The following TMC6 variants were observed in gnomAD, a reference collection of about 807,000 sequenced individuals.
TMC6 encodes the protein transmembrane channel like 6.
Under a neutral mutation model 95.4 loss-of-function variants are expected in TMC6, and 71 were observed. The observed-to-expected ratio is 0.74, with a 90% CI of 0.61 to 0.91. TMC6 has a LOEUF of 0.91. Among genes scored for constraint, TMC6 ranks in the 40% least tolerant of loss-of-function variants. The probability of loss-of-function intolerance (pLI) is 0.00; values close to 1 mark genes in which losing one functional copy is unlikely to be tolerated. For missense variants in TMC6, 1,074 were observed against 1,079.1 expected, an observed-to-expected ratio of 1.00 and a Z score of 0.07; for synonymous variants, 514 against 483.1, an observed-to-expected ratio of 1.06 and a Z score of -0.84.
rs143792591 is a variant in TMC6 at position 78,108,725 on chromosome 17, C to T, written c.*4423G>A. 1.4e-4 allele frequency: 21 copies of T among 154,088 alleles called. No individual in the cohort carries two copies. The highest frequency in any genetic ancestry group is 4.8e-4 in the African/African-American group (20 of 41,582). The allele number at this position is 154,088 out of a possible 1,614,324, so 9.5% of individuals were successfully genotyped here. A position where few individuals can be genotyped will look rare whatever the true frequency, so the allele number is the denominator to read the frequency against. On this transcript the variant is annotated 3_prime_UTR_variant, in exon 20 of 20. Coordinates refer to ENST00000590602, the MANE Select transcript of TMC6 (RefSeq NM_001127198.5). ...GGGTGTCCAGGGCACCATTTCCACC[C>T]ATGGGTGAAAAAGAGGCTTGAGGAA...
At chr17:78,120,005 G>A in intron 13 of TMC6, 1 of 391,612 alleles carries the variant, frequency 2.6e-6, no homozygotes, top group Non-Finnish European at 5.0e-6. Context: ...TATTCTCGAA[G>A]AAAACACCAA....
upstream of TMC6, among the ~76,000 whole-genome samples, chr17:78,129,849 C>G (rs1345365079): frequency 1.3e-5 from 2 of 152,122 alleles, no homozygotes; most frequent in Non-Finnish European, 2.9e-5. This position sits in a 1 kb window ranked among gnomAD's most constrained non-coding sequence, Gnocchi z 4.3. Context: ...CCAGATTGAA[C>G]CCTGGTGGAG....
At position 78,126,664 on chromosome 17, in the gene TMC6, G is replaced by GC. The variant is rs763325937; in HGVS notation, c.57-17dup. ...GGGGCCCTGGCTGCAGAGGGGGTTG[G>GC]CGGGGGGGTCAGGCTCCAGCCACCT... On this transcript the variant is annotated splice_polypyrimidine_tract_variant and intron_variant, in intron 2 of 19. Transcript: ENST00000590602. 1.2e-5 allele frequency: 19 copies of GC among 1,612,654 alleles called. No individual in the cohort carries two copies. Among genetic ancestry groups the GC allele is most frequent in the Non-Finnish European group, 1.6e-5 (19 of 1,179,842 alleles).
At position 78,109,127 on chromosome 17, in the gene TMC6, TTGC is replaced by T. The variant is rs1406307900; in HGVS notation, c.*4018_*4020del. 14 of 268,260 alleles carry T rather than the reference TTGC, an allele frequency of 5.2e-5. No homozygotes were observed. The highest frequency in any genetic ancestry group is 8.9e-5 in the Non-Finnish European group (12 of 135,080). 16.6% of individuals were successfully genotyped at this position (268,260 alleles called of 1,614,324 possible). A position where few individuals can be genotyped will look rare whatever the true frequency, so the allele number is the denominator to read the frequency against. On this transcript the variant is annotated 3_prime_UTR_variant, in exon 20 of 20. Coordinates refer to ENST00000590602, the MANE Select transcript of TMC6 (RefSeq NM_001127198.5). ...TGCCCAGCCTTTGTTGTTGTTGTTG[TTGC>T]TGCTATTTTGGCAACATCACGGCAG...
chr17:78,124,051 G>A lies in TMC6; in HGVS notation c.1020C>T (p.Pro340=). 6.2e-7 allele frequency: 1 copy of A among 1,613,650 alleles called. No individual in the cohort carries two copies. Among genetic ancestry groups the A allele is most frequent in the Non-Finnish European group, 8.5e-7 (1 of 1,179,968 alleles). ...CGCCCACAGTGGAGAGGTAGGCCAG[G>A]GGCATGTTGTAGGGCAGGCCACCCA... ...PRVGGLPYNM[P]LAYLSTVGVS... Residue 340 remains proline, a synonymous_variant, in exon 9 of 20, where the codon CCC becomes CCT. Coordinates refer to ENST00000590602, the MANE Select transcript of TMC6 (RefSeq NM_001127198.5).
Position 78,120,692 on chromosome 17 carries a change from A to G in TMC6, c.1676T>C (p.Leu559Pro), listed in dbSNP as rs753566703. Residue 559 changes from leucine (L) to proline (P), a missense_variant, in exon 13 of 20, where the codon CTC becomes CCC. Coordinates refer to ENST00000590602, the MANE Select transcript of TMC6 (RefSeq NM_001127198.5). ...LYRFLVMDFV[L>P]MLLDTLFGEL... ...CCCAAAAAGCGTGTCCAGCAACATG[A>G]GGACGAAGTCCATCACCAGGAACCG... 1 of 1,614,024 alleles carries G rather than the reference A, an allele frequency of 6.2e-7. No homozygotes were observed. Among genetic ancestry groups the G allele is most frequent in the Non-Finnish European group, 8.5e-7 (1 of 1,180,032 alleles).
upstream of TMC6, among the ~76,000 whole-genome samples, chr17:78,129,301 G>C (rs1430102315): frequency 6.6e-6 from 1 of 152,168 alleles, no homozygotes; most frequent in East Asian, 1.9e-4. The surrounding 1 kb of genome is among the most constrained non-coding windows in gnomAD (Gnocchi z 4.3). Flanking sequence ...CTGACACTTA[G>C]GTGACTGTCC....
chr17:78,120,075 A>G, intron 13 of TMC6: 1 of 357,866 alleles, frequency 2.8e-6, no homozygotes, highest in Non-Finnish European at 5.4e-6. Flanking sequence ...CATTTTTTAA[A>G]TGTTCCTCCG....
chr17:78,113,583 G>C lies in TMC6; in HGVS notation c.2319C>G (p.Ser773=). 6.2e-7 allele frequency: 1 copy of C among 1,613,958 alleles called. No individual in the cohort carries two copies. The highest frequency in any genetic ancestry group is 8.5e-7 in the Non-Finnish European group (1 of 1,180,020). ...DKIFLINKLH[S]IYERKEREER... Reference sequence around the variant, plus strand: ...CCTCCCTCTCCTTCCTCTCGTAGATGGAGTGAAGCTTGTTGATTAAGAAGA... The same window carrying C: ...CCTCCCTCTCCTTCCTCTCGTAGATCGAGTGAAGCTTGTTGATTAAGAAGA... The change falls in exon 19 of 20, where the codon TCC becomes TCG. Residue 773 remains serine (S), a synonymous_variant. Coordinates refer to ENST00000590602, the MANE Select transcript of TMC6 (RefSeq NM_001127198.5).
At chr17:78,113,847 G>T in intron 18 of TMC6, 1 of 570,676 alleles carries the variant, frequency 1.8e-6, no homozygotes, top group Non-Finnish European at 3.1e-6. Flanking sequence ...AGTGGCCAAA[G>T]TGAAAAGGGA....
intron 1 of TMC6, among the ~76,000 whole-genome samples, chr17:78,127,318 T>C (rs1316807769): frequency 6.6e-6 from 1 of 152,170 alleles, no homozygotes; most frequent in Non-Finnish European, 1.5e-5. Context: ...GCGTCTGCCC[T>C]GTGACCTCAA....
rs148585370 is a variant in TMC6, at chr17:78,121,605, G to A, written c.1334C>T (p.Ala445Val). The A allele has an allele frequency of 4.3e-5, 69 of 1,611,242 alleles. No individual in the cohort carries two copies. The African/African-American group carries it at 5.7e-4, about 13-fold the overall frequency. ...GLVWLLCLGTALGCAVAVHVF... is the reference protein window; with the variant it reads ...GLVWLLCLGTVLGCAVAVHVF... ...GTGGACGGCCACGGCGCAGCCCAGC[G>A]CGGTCCCCAGACACAGCAGCCACAC... Residue 445 changes from alanine (A) to valine (V), a missense_variant, in exon 11 of 20, where the codon GCG (alanine) becomes GTG (valine). Physicochemically the swap from Ala to Val is moderately conservative, Grantham distance 64 (BLOSUM62 0). Coordinates refer to ENST00000590602, the MANE Select transcript of TMC6 (RefSeq NM_001127198.5). This position sits in a 1 kb window ranked among gnomAD's most constrained non-coding sequence, Gnocchi z 5.6.
Position 78,124,970 on chromosome 17 carries a change from G to T in TMC6, c.552C>A (p.Thr184=), listed in dbSNP as rs773352878. The T allele has an allele frequency of 1.9e-6, 3 of 1,592,872 alleles. No homozygotes were observed. Among genetic ancestry groups the T allele is most frequent in the Non-Finnish European group, 2.6e-6 (3 of 1,172,414 alleles). The change falls in exon 7 of 20, where the codon ACC becomes ACA. Residue 184 remains threonine (T), a synonymous_variant. Coordinates refer to ENST00000590602, the MANE Select transcript of TMC6 (RefSeq NM_001127198.5). ...EKRSLREKSR[T]PRGKWRGQPG... ...GCTGGCCCCTCCACTTCCCCCTCGGGGTCCTGCTCTTCTCTCTGGGGACAG... is the reference window on the plus strand; with the variant it reads ...GCTGGCCCCTCCACTTCCCCCTCGGTGTCCTGCTCTTCTCTCTGGGGACAG...
upstream of TMC6, chr17:78,131,179 G>A (rs766198104): frequency 5.8e-4 from 186 of 321,534 alleles, no homozygotes; most frequent in Non-Finnish European, 3.5e-4. Flanking sequence ...GTGACGGTGG[G>A]CCCAGGCACA....
chr17:78,121,694 C>T lies in TMC6; in HGVS notation c.1245G>A (p.Trp415Ter). The change falls in exon 11 of 20, where the codon TGG becomes TGA. Residue 415 changes from tryptophan to a stop codon, truncating the protein, a stop_gained. Transcript: ENST00000590602. LOFTEE classifies it high-confidence loss of function. The surrounding 1 kb of genome is among the most constrained non-coding windows in gnomAD (Gnocchi z 5.6). ...CGCTCCTGGGGCTGTGCCGCAGCTG[C>T]CACTCGGCCAGCAGCTCCTGCAGGC... ...RTRLKELLAE[W>*]QLRHSPRSVC... is the part of the protein sequence containing the mutation. The T allele has an allele frequency of 6.3e-7, 1 of 1,588,308 alleles. No homozygotes were observed. Among genetic ancestry groups the T allele is most frequent in the Non-Finnish European group, 8.5e-7 (1 of 1,169,682 alleles).
In TMC6 at chr17:78,121,519, G is replaced by A. The variant is rs772908854; in HGVS notation, c.1383+37C>T. On this transcript the variant is annotated intron_variant, in intron 11 of 19. Transcript: ENST00000590602. This position sits in a 1 kb window ranked among gnomAD's most constrained non-coding sequence, Gnocchi z 5.6. ...AGGTGCCCAGAGTCACTGGGGACAC[G>A]TTCCAAGCAAGGGCCAGGCTCCCCC... 8.7e-6 allele frequency: 14 copies of A among 1,610,368 alleles called. No homozygotes were observed. The highest frequency in any genetic ancestry group is 2.2e-4 in the Middle Eastern group (1 of 4,470).
intron 13 of TMC6, 122 bp downstream of exon 13, chr17:78,120,531 C>T: frequency 1.4e-6 from 2 of 1,426,444 alleles, no homozygotes; most frequent in South Asian, 1.2e-5. Context: ...CTGAGTCTTC[C>T]TCTGAAGGGT....
Position 78,117,611 on chromosome 17 carries a change from C to G in TMC6, c.2055G>C (p.Arg685=), listed in dbSNP as rs757870228. 6.3e-7 allele frequency: 1 copy of G among 1,578,354 alleles called. No homozygotes were observed. Among genetic ancestry groups the G allele is most frequent in the Non-Finnish European group, 8.6e-7 (1 of 1,163,346 alleles). Residue 685 remains arginine (R), a synonymous_variant, in exon 17 of 20, where the codon CGG becomes CGC. Coordinates refer to ENST00000590602, the MANE Select transcript of TMC6 (RefSeq NM_001127198.5). ...VKPSSTCGPF[R]TLDTMYEAGR... The stretch of plus-strand genomic sequence containing the variant: ...CGGCCTCGTACATGGTGTCCAGGGT[C>G]CGGAAGGGGCCGCAGGTGCTCGAGG...
Position 78,117,632 on chromosome 17 carries a change from C to G in TMC6, c.2034G>C (p.Ser678=), listed in dbSNP as rs1264475530. 1.1e-5 allele frequency: 17 copies of G among 1,571,604 alleles called. No individual in the cohort carries two copies. Among genetic ancestry groups the G allele is most frequent in the Non-Finnish European group, 1.4e-5 (16 of 1,159,488 alleles). The change falls in exon 17 of 20, where the codon TCG becomes TCC. Residue 678 remains serine, a synonymous_variant. Coordinates refer to ENST00000590602, the MANE Select transcript of TMC6 (RefSeq NM_001127198.5). ...LCYAVWQVKP[S]STCGPFRTLD... Reference sequence around the variant, plus strand: ...GGGTCCGGAAGGGGCCGCAGGTGCTCGAGGGCTTCACCCTGGGGAAGATGC... The same window carrying G: ...GGGTCCGGAAGGGGCCGCAGGTGCTGGAGGGCTTCACCCTGGGGAAGATGC...
Sources: allele counts gnomAD v4.1 joint callset (sites outside exome capture counted in the v4.1 genomes callset), GRCh38; gene constraint gnomAD v4.1.1; non-coding constraint Gnocchi (gnomAD v3.1); transcripts MANE v1.5; gene names NCBI Gene and HGNC (gene_info 2026-07-23, HGNC 2026-07-21).